ROBO1: variants seen among roughly 807,000 people sequenced by gnomAD.
ROBO1 encodes roundabout guidance receptor 1, also known as roundabout homolog 1.
ROBO1 carries 149 observed loss-of-function variants against 195.9 expected under a neutral mutation model. That is an observed-to-expected ratio of 0.76 (90% CI 0.67 to 0.87). The LOEUF is 0.87. Among genes scored for constraint, ROBO1 ranks in the 40% least tolerant of loss-of-function variants. ROBO1 has a pLI of 0.00. For synonymous variants in ROBO1, 816 were observed against 733.2 expected, an observed-to-expected ratio of 1.11 and a Z score of -1.82; for missense variants, 1,933 against 2,068.3, an observed-to-expected ratio of 0.93 and a Z score of 1.27.
chr3:79,748,863 C>T (rs1368622041), intron 1 of ROBO1, among the ~76,000 whole-genome samples: 2 of 152,118 alleles, frequency 1.3e-5, no homozygotes, highest in African/African-American at 2.4e-5. Flanking sequence ...ATTAAAATCT[C>T]TTTTTCTTCC....
Position 79,125,558 on chromosome 3 carries a change from G to C in ROBO1, c.89-19C>G, listed in dbSNP as rs758902572. On this transcript the variant is annotated intron_variant, in intron 2 of 30. Transcript: ENST00000464233. ...TCAGGGTCTGTCGGAAACAACACCA[G>C]AGCTGCTGATGGGGTCACAGTAGTA... 1 of 1,605,194 alleles carries C rather than the reference G, an allele frequency of 6.2e-7. No homozygotes were observed. The highest frequency in any genetic ancestry group is 8.5e-7 in the Non-Finnish European group (1 of 1,172,704).
chr3:78,768,143 A>G (rs938483921), intron 4 of ROBO1, among the ~76,000 whole-genome samples: 2 of 152,018 alleles, frequency 1.3e-5, no homozygotes, highest in Admixed American at 1.3e-4. Flanking sequence ...ATTCAGTTTG[A>G]AGAGTTTTAA....
intron 4 of ROBO1, among the ~76,000 whole-genome samples, chr3:78,854,138 T>TC (rs1424708477): frequency 6.6e-6 from 1 of 151,770 alleles, no homozygotes; most frequent in Non-Finnish European, 1.5e-5. Flanking sequence ...TATCCACTCT[T>TC]CCCTGAGTCC....
At chr3:79,747,357 G>A (rs1385682245) in intron 1 of ROBO1, among the ~76,000 whole-genome samples, 1 of 151,972 alleles carries the variant, frequency 6.6e-6, no homozygotes, top group African/African-American at 2.4e-5. Context: ...GTGTATATAT[G>A]TACATACAGA....
chr3:78,600,607 G>A (rs1703117076), intron 29 of ROBO1, among the ~76,000 whole-genome samples: 1 of 152,226 alleles, frequency 6.6e-6, no homozygotes, highest in East Asian at 1.9e-4. Flanking sequence ...CAAACCTGGA[G>A]TCAGACTTGG....
chr3:78,662,846 A>G (rs1360251185), intron 14 of ROBO1, among the ~76,000 whole-genome samples: 1 of 152,210 alleles, frequency 6.6e-6, no homozygotes, highest in African/African-American at 2.4e-5. Flanking sequence ...AAGGAAACTA[A>G]GAACACAGTA....
At position 78,661,096 on chromosome 3, in the gene ROBO1, G is replaced by C. The variant is rs538800437; in HGVS notation, c.2254C>G (p.Arg752Gly). 1 of 1,613,316 alleles carries C rather than the reference G, an allele frequency of 6.2e-7. No homozygotes were observed. The change falls in exon 16 of 31, where the codon CGC becomes GGC. Residue 752 changes from arginine (R) to glycine (G), a missense_variant. Physicochemically the swap from Arg to Gly is moderately radical, Grantham distance 125 (BLOSUM62 -2). Coordinates refer to ENST00000464233, the MANE Select transcript of ROBO1 (RefSeq NM_002941.4). ...RKGVNYEIKA[R>G]PFFNEFQGAD... ...CCTTGAAATTCATTAAAAAAAGGGC[G>C]AGCCTTAATTTCATAGTTGACTCCC... is the stretch of plus-strand genomic sequence containing the variant.
chr3:79,482,973 A>G (rs541087778), intron 2 of ROBO1, among the ~76,000 whole-genome samples: 26 of 152,240 alleles, frequency 1.7e-4, no homozygotes, highest in African/African-American at 4.8e-4. Flanking sequence ...GCCGAGTCAA[A>G]CTCCTCAACA....
chr3:79,344,190 G>C (rs922969103), intron 2 of ROBO1, among the ~76,000 whole-genome samples: 3 of 152,156 alleles, frequency 2.0e-5, no homozygotes, highest in African/African-American at 7.2e-5. Context: ...AATTACTTCA[G>C]GTGAAGATGG....
chr3:78,617,257 A>T (rs1704164082), intron 27 of ROBO1, among the ~76,000 whole-genome samples: 1 of 152,190 alleles, frequency 6.6e-6, no homozygotes, highest in Admixed American at 6.5e-5. Context: ...CTACACAAAA[A>T]ATTAGAGTAT....
intron 2 of ROBO1, among the ~76,000 whole-genome samples, chr3:79,410,452 A>G (rs2037719996): frequency 6.6e-6 from 1 of 152,170 alleles, no homozygotes; most frequent in Non-Finnish European, 1.5e-5. Context: ...TGAAAAAAAC[A>G]AAACATTGAG....
chr3:78,717,406 T>G lies in ROBO1; in HGVS notation c.786A>C (p.Pro262=). The G allele has an allele frequency of 6.2e-7, 1 of 1,613,746 alleles. No homozygotes were observed. The highest frequency in any genetic ancestry group is 8.5e-7 in the Non-Finnish European group (1 of 1,179,680). Residue 262 remains proline, a synonymous_variant, in exon 7 of 31, where the codon CCA becomes CCC. Coordinates refer to ENST00000464233, the MANE Select transcript of ROBO1 (RefSeq NM_002941.4). ...AGTTACTGGGTCTCTTCACAAATGA[T>G]GGTCTCTCTAAAATTAAAAAGAGTC... ...EVAELTVLER[P]SFVKRPSNLA...
chr3:79,347,793 C>A (rs187221067), intron 2 of ROBO1, among the ~76,000 whole-genome samples: 3 of 152,278 alleles, frequency 2.0e-5, no homozygotes, highest in Non-Finnish European at 4.4e-5. Context: ...ATAACATTCA[C>A]ATTTAAAAGA....
At chr3:78,938,224 C>T (rs1480831497) in intron 4 of ROBO1, 1 of 234,914 alleles carries the variant, frequency 4.3e-6, no homozygotes, top group Non-Finnish European at 8.5e-6. Context: ...AGCCCAGAAC[C>T]CCTGGGCTCA....
chr3:78,879,500 CAT>C (rs1357833317), intron 4 of ROBO1, among the ~76,000 whole-genome samples: 12 of 150,570 alleles, frequency 8.0e-5, no homozygotes, highest in Non-Finnish European at 1.6e-4. Flanking sequence ...AATTCATGAA[CAT>C]CATTACCACA....
chr3:79,354,638 C>A (rs758236165), intron 2 of ROBO1, among the ~76,000 whole-genome samples: 1 of 152,104 alleles, frequency 6.6e-6, no homozygotes, highest in Non-Finnish European at 1.5e-5. Flanking sequence ...CACTGGCCAA[C>A]CTTTTATAGA....
chr3:79,518,293 TAAG>T (rs201584235), intron 2 of ROBO1, among the ~76,000 whole-genome samples: 2 of 152,090 alleles, frequency 1.3e-5, no homozygotes, highest in African/African-American at 2.4e-5. Flanking sequence ...TAAGGCATGT[TAAG>T]AAGAAGAAGG....
At chr3:79,691,856 T>C (rs1218569257) in intron 1 of ROBO1, among the ~76,000 whole-genome samples, 1 of 151,996 alleles carries the variant, frequency 6.6e-6, no homozygotes, top group African/African-American at 2.4e-5. Context: ...CTGGTGTTGC[T>C]GTTTCAGTCA....
chr3:78,762,367 AT>A, intron 4 of ROBO1, among the ~76,000 whole-genome samples: 1 of 152,200 alleles, frequency 6.6e-6, no homozygotes, highest in Non-Finnish European at 1.5e-5. Flanking sequence ...CTTGACCTAA[AT>A]ACTAAAAGTT....
Sources: gnomAD v4.1 joint callset for allele counts (sites outside exome capture counted in the v4.1 genomes callset) on GRCh38, gnomAD v4.1.1 for gene constraint, MANE v1.5 for transcripts, NCBI Gene and HGNC (gene_info 2026-07-23, HGNC 2026-07-21) for gene names.